Variants in KCNH1 observed in about 807,000 individuals in gnomAD.
KCNH1 encodes potassium voltage-gated channel subfamily H member 1, also known as voltage-gated delayed rectifier potassium channel KCNH1.
Under a neutral mutation model 69.2 loss-of-function variants are expected in KCNH1, and 27 were observed. The ratio of observed to expected loss-of-function variants is 0.39; its 90% confidence interval spans 0.29 to 0.54. The LOEUF is 0.54. Ranked by LOEUF, KCNH1 falls within the 20% of genes least tolerant of loss-of-function variation. KCNH1 has a pLI of 0.68. For synonymous variants in KCNH1, 456 were observed against 487.7 expected, an observed-to-expected ratio of 0.93 and a Z score of 0.86; for missense variants, 798 against 1,261.6, an observed-to-expected ratio of 0.63 and a Z score of 5.57.
chr1:210,920,515 T>C (rs1042541686), intron 6 of KCNH1, among the ~76,000 whole-genome samples: 2 of 152,192 alleles, frequency 1.3e-5, no homozygotes, highest in African/African-American at 4.8e-5. Context: ...TATGCAAACA[T>C]ATATGTGCTG....
intron 10 of KCNH1, among the ~76,000 whole-genome samples, chr1:210,710,867 T>G (rs1321501570): frequency 1.3e-5 from 2 of 152,146 alleles, no homozygotes; most frequent in East Asian, 3.9e-4. Context: ...CTCCATCTAA[T>G]CCAGGCCAGC....
chr1:211,075,756 GC>G (rs1270534135), intron 5 of KCNH1, among the ~76,000 whole-genome samples: 1 of 152,222 alleles, frequency 6.6e-6, no homozygotes, highest in African/African-American at 2.4e-5. Flanking sequence ...CCCACAGAGG[GC>G]AAGCCGAAGC....
In KCNH1 at chr1:210,678,835, T is replaced by TC. The variant is rs1314939996; in HGVS notation, c.*4445dup. ...AACTTCTCATTGAACAACTAATGGATCCGTCGGATGACTCAGAAGTCACAG... is the reference window on the plus strand; with the variant it reads ...AACTTCTCATTGAACAACTAATGGATCCCGTCGGATGACTCAGAAGTCACAG... On this transcript the variant is annotated 3_prime_UTR_variant, in exon 11 of 11. Coordinates refer to ENST00000271751, the MANE Select transcript of KCNH1 (RefSeq NM_172362.3). 6.6e-6 allele frequency: 1 copy of TC among 152,142 alleles called. No individual in the cohort carries two copies. The highest frequency in any genetic ancestry group is 1.5e-5 in the Non-Finnish European group (1 of 68,026). 9.4% of individuals were successfully genotyped at this position (152,142 alleles called of 1,614,324 possible).
At chr1:211,113,588 C>T (rs951900044) in intron 1 of KCNH1, among the ~76,000 whole-genome samples, 2 of 152,164 alleles carry the variant, frequency 1.3e-5, no homozygotes, top group African/African-American at 4.8e-5. Context: ...AGAGGGTAAA[C>T]TTTGTGCCTG....
At chr1:210,796,684 G>A (rs919487232) in intron 9 of KCNH1, among the ~76,000 whole-genome samples, 23 of 152,074 alleles carry the variant, frequency 1.5e-4, no homozygotes, top group African/African-American at 4.8e-4. Context: ...TCTGTCATTG[G>A]GTTGCAGTGA....
chr1:210,761,327 G>GACTAGTCAACTAGTTGTTGGCA, intron 10 of KCNH1, among the ~76,000 whole-genome samples: 1 of 146,144 alleles, frequency 6.8e-6, no homozygotes, highest in Admixed American at 6.9e-5. Context: ...ACAGAATTGA[G>GACTAGTCAACTAGTTGTTGGCA]ACTAGTCAAC....
intron 5 of KCNH1, 124 bp from the exon 6 acceptor site, chr1:211,019,380 AG>A (rs1408009132): frequency 1.1e-5 from 7 of 624,466 alleles, no homozygotes; most frequent in Non-Finnish European, 1.7e-5. Context: ...GTACAATAAC[AG>A]GTATGAAAGA....
chr1:210,897,276 A>AGAT (rs1297431586), intron 7 of KCNH1, among the ~76,000 whole-genome samples: 1 of 152,248 alleles, frequency 6.6e-6, no homozygotes. Flanking sequence ...AAATCCTCTT[A>AGAT]TCTAAGAGCA....
At chr1:211,119,758 C>A (rs1361494319) in intron 1 of KCNH1, among the ~76,000 whole-genome samples, 1 of 152,170 alleles carries the variant, frequency 6.6e-6, no homozygotes, top group Non-Finnish European at 1.5e-5. Flanking sequence ...TTGCAGAAAA[C>A]AAACGGAACT....
At chr1:210,929,562 G>A (rs1196962014) in intron 6 of KCNH1, among the ~76,000 whole-genome samples, 1 of 152,144 alleles carries the variant, frequency 6.6e-6, no homozygotes, top group South Asian at 2.1e-4. Flanking sequence ...CAAACCCACA[G>A]CCAACATCAC....
intron 7 of KCNH1, chr1:210,858,446 A>T (rs1218764879): frequency 6.6e-6 from 1 of 152,238 alleles, no homozygotes; most frequent in African/African-American, 2.4e-5. Flanking sequence ...TTTTAAATTA[A>T]TAACTTGAAA....
At chr1:210,794,496 G>A (rs1362246794) in intron 9 of KCNH1, among the ~76,000 whole-genome samples, 7 of 152,194 alleles carry the variant, frequency 4.6e-5, no homozygotes, top group Admixed American at 6.5e-5. Context: ...ATTTAGAGAC[G>A]CAGTCAACAA....
chr1:211,072,811 G>T (rs1690671095), intron 5 of KCNH1, among the ~76,000 whole-genome samples: 1 of 151,836 alleles, frequency 6.6e-6, no homozygotes, highest in South Asian at 2.1e-4. Flanking sequence ...AAGAATGGAA[G>T]ACAAAATAAG....
intron 4 of KCNH1, among the ~76,000 whole-genome samples, chr1:211,085,626 T>A (rs1258753520): frequency 6.6e-6 from 1 of 151,624 alleles, no homozygotes; most frequent in East Asian, 1.9e-4. Context: ...CTGAAAAAAA[T>A]AGCTACACAG....
chr1:210,782,733 A>AAAAG (rs962615925), intron 9 of KCNH1, among the ~76,000 whole-genome samples: 4 of 152,124 alleles, frequency 2.6e-5, no homozygotes, highest in Non-Finnish European at 5.9e-5. Context: ...TCTCAAAAAA[A>AAAAG]AAAGAAAGAA....
intron 6 of KCNH1, among the ~76,000 whole-genome samples, chr1:210,941,112 G>A (rs1346524882): frequency 6.6e-6 from 1 of 152,164 alleles, no homozygotes; most frequent in Non-Finnish European, 1.5e-5. Context: ...ACCAACATTA[G>A]GAAAGCATCG....
At chr1:211,086,052 T>C (rs925786022) in intron 4 of KCNH1, among the ~76,000 whole-genome samples, 15 of 152,232 alleles carry the variant, frequency 9.9e-5, no homozygotes, top group Non-Finnish European at 1.9e-4. Flanking sequence ...ACTGTTTTAT[T>C]TGCTTACCTG....
At chr1:211,040,052 G>T (rs193234546) in intron 5 of KCNH1, among the ~76,000 whole-genome samples, 3 of 152,080 alleles carry the variant, frequency 2.0e-5, no homozygotes, top group Non-Finnish European at 2.9e-5. Flanking sequence ...TTAGCTGGGC[G>T]TGGTGGCGGG....
intron 6 of KCNH1, among the ~76,000 whole-genome samples, chr1:210,929,660 T>C (rs1450229549): frequency 6.6e-6 from 1 of 152,166 alleles, no homozygotes; most frequent in East Asian, 1.9e-4. Context: ...TTCAACACAG[T>C]ACTGGAAGTC....
Sources: allele counts gnomAD v4.1 joint callset (sites outside exome capture counted in the v4.1 genomes callset), GRCh38; gene constraint gnomAD v4.1.1; transcripts MANE v1.5; gene names NCBI Gene and HGNC (gene_info 2026-07-23, HGNC 2026-07-21).